ACSF2: variants seen among roughly 807,000 people sequenced by gnomAD.
ACSF2 encodes the protein acyl-CoA synthetase family member 2.
Under a neutral mutation model 79.3 loss-of-function variants are expected in ACSF2, and 52 were observed. The observed-to-expected ratio is 0.66, with a 90% CI of 0.53 to 0.83. The LOEUF (loss-of-function observed/expected upper bound fraction) is 0.83, where lower values mean the gene tolerates loss of function less well. Among genes scored for constraint, ACSF2 ranks in the 40% least tolerant of loss-of-function variants. The pLI, the probability that ACSF2 is intolerant of heterozygous loss-of-function variation, is 0.00. For synonymous variants in ACSF2, 283 were observed against 312.6 expected (o/e 0.91, Z 1.00); for missense variants, 661 against 803.3 (o/e 0.82, Z 2.14).
chr17:50,466,787 G>A (rs1453227644), intron 10 of ACSF2, among the ~76,000 whole-genome samples: 7 of 152,194 alleles, frequency 4.6e-5, no homozygotes, highest in Non-Finnish European at 8.8e-5. Context: ...TTGCCCAGGC[G>A]CCACAATTCC....
chr17:50,432,526 TA>T (rs1285492615), intron 1 of ACSF2, among the ~76,000 whole-genome samples: 6 of 152,176 alleles, frequency 3.9e-5, no homozygotes, highest in African/African-American at 1.4e-4. Context: ...AAGATGGGAA[TA>T]AAGCTGGTCA....
intron 10 of ACSF2, among the ~76,000 whole-genome samples, chr17:50,469,738 C>T (rs1347054642): frequency 6.6e-6 from 1 of 152,180 alleles, no homozygotes; most frequent in African/African-American, 2.4e-5. Flanking sequence ...TGAGGGGTCT[C>T]AGGGTGGCGG....
chr17:50,439,317 T>C (rs9905321), intron 1 of ACSF2, among the ~76,000 whole-genome samples: 36,400 of 149,746 alleles, frequency 0.24, 4,918 homozygotes, highest in Non-Finnish European at 0.31. Context: ...ACAAGCAGTC[T>C]TCCCACTTTG....
At position 50,460,376 on chromosome 17, in the gene ACSF2, T is replaced by C. The variant is rs1253936362; in HGVS notation, c.129-301T>C. The C allele has an allele frequency of 1.0e-5, 5 of 479,162 alleles. No homozygotes were observed. The East Asian group carries it at 2.4e-4, about 23-fold the overall frequency. 29.7% of individuals were successfully genotyped at this position (479,162 alleles called of 1,614,324 possible). On this transcript the variant is annotated intron_variant, in intron 1 of 15. Coordinates refer to ENST00000300441, the MANE Select transcript of ACSF2 (RefSeq NM_025149.6). ...ATGGTCCTGCTTTGTAAGATCTGTC[T>C]GTCTGCACAGGCAGGCTCTCCCAGG... is the stretch of plus-strand genomic sequence containing the variant.
At chr17:50,456,501 G>A (rs2032008463) in intron 1 of ACSF2, among the ~76,000 whole-genome samples, 1 of 152,080 alleles carries the variant, frequency 6.6e-6, no homozygotes, top group South Asian at 2.1e-4. Context: ...GGGAGGCCGA[G>A]GCGGGCGGAT....
intron 1 of ACSF2, among the ~76,000 whole-genome samples, chr17:50,432,554 A>G (rs937361390): frequency 6.6e-6 from 1 of 152,258 alleles, no homozygotes; most frequent in African/African-American, 2.4e-5. Context: ...CAACAGGCCA[A>G]CATGCAGGCT....
rs181370844 is a variant in ACSF2 at position 50,442,435 on chromosome 17, T to G, written c.128+16046T>G. On this transcript the variant is annotated intron_variant, in intron 1 of 15. Coordinates refer to ENST00000300441, the MANE Select transcript of ACSF2 (RefSeq NM_025149.6). ...GCCTTGGCCTCCAAAAGTGCTGGGA[T>G]TACAGCCATGAGCCACTACGCCTGG... is the stretch of plus-strand genomic sequence containing the variant. 2.6e-3 allele frequency among the ~76,000 whole-genome samples: 388 copies of G among 151,690 alleles called. 1 individual carries two copies. Among genetic ancestry groups the G allele is most frequent in the African/African-American group, 8.3e-3 (343 of 41,310 alleles).
At position 50,462,855 on chromosome 17, in the gene ACSF2, C is replaced by T; in HGVS notation, c.792+270C>T. The T allele has an allele frequency of 5.2e-6, 3 of 581,892 alleles. No homozygotes were observed. In the Admixed American group the frequency reaches 9.5e-5, roughly 18 times the overall value. 36.0% of individuals were successfully genotyped at this position (581,892 alleles called of 1,614,324 possible). On this transcript the variant is annotated intron_variant, in intron 6 of 15. Coordinates refer to ENST00000300441, the MANE Select transcript of ACSF2 (RefSeq NM_025149.6). ...CAACACAGGTTGGAACTGCTACAGG[C>T]TGCCCCTCATTTAGCTGATGAGGAA...
intron 1 of ACSF2, among the ~76,000 whole-genome samples, chr17:50,436,631 G>A (rs8079050): frequency 1.0e-4 from 15 of 149,730 alleles, no homozygotes; most frequent in South Asian, 2.1e-4. Context: ...ACAGGGTTTC[G>A]CCATGTTGGT....
intron 1 of ACSF2, 26 bp downstream of exon 1, chr17:50,426,415 G>C (rs1914984938): frequency 1.5e-6 from 2 of 1,299,150 alleles, no homozygotes; most frequent in Non-Finnish European, 2.0e-6. Context: ...GGGAAGAGAG[G>C]GGGCGGGGCA....
rs573283668 is a variant in ACSF2 at position 50,472,042 on chromosome 17, C to T, written c.1324-386C>T. ...TGTCTCTCCTGTTCACATGGTGTTG[C>T]CATGCCACCCTGTTTGGCTTATTTG... On this transcript the variant is annotated intron_variant, in intron 11 of 15. Transcript: ENST00000300441. 32 of 197,194 alleles carry T rather than the reference C, an allele frequency of 1.6e-4. 1 individual carries two copies. The highest frequency in any genetic ancestry group is 1.9e-3 in the Middle Eastern group (1 of 518). The allele number at this position is 197,194 out of a possible 1,614,324, so 12.2% of individuals were successfully genotyped here. A position where few individuals can be genotyped will look rare whatever the true frequency, so the allele number is the denominator to read the frequency against.
In ACSF2 at chr17:50,473,648, C is replaced by A; in HGVS notation, c.1476-17C>A. 6.8e-6 allele frequency: 11 copies of A among 1,614,146 alleles called. No homozygotes were observed. Among genetic ancestry groups the A allele is most frequent in the Non-Finnish European group, 9.3e-6 (11 of 1,180,010 alleles). On this transcript the variant is annotated splice_polypyrimidine_tract_variant and intron_variant, in intron 12 of 15. Transcript: ENST00000300441. Reference sequence around the variant, plus strand: ...ACAAGGCAGAGATGACAGGTTGCCCCTGGGCTTTCCTTACAGAGATGTCGC... The same window carrying A: ...ACAAGGCAGAGATGACAGGTTGCCCATGGGCTTTCCTTACAGAGATGTCGC...
intron 10 of ACSF2, chr17:50,465,564 C>T (rs2032650881): frequency 6.8e-7 from 1 of 1,473,616 alleles, no homozygotes; most frequent in South Asian, 1.3e-5. Flanking sequence ...CTTCATTTTA[C>T]AAATGGGGAA....
In ACSF2 at chr17:50,469,419, G is replaced by T. The variant is rs7215289; in HGVS notation, c.1216-1609G>T. Among the ~76,000 whole-genome samples, 1,029 of 152,244 alleles carry T rather than the reference G, an allele frequency of 6.8e-3. 14 individuals are homozygous for T. The highest frequency in any genetic ancestry group is 0.023 in the African/African-American group (976 of 41,562). On this transcript the variant is annotated intron_variant, in intron 10 of 15. Coordinates refer to ENST00000300441, the MANE Select transcript of ACSF2 (RefSeq NM_025149.6). ...CGAGCGTGAGAGCCGCCCCGGCGTC[G>T]GTCTCCCACTTCAGACTCGACGCGC... is the stretch of plus-strand genomic sequence containing the variant.
intron 1 of ACSF2, among the ~76,000 whole-genome samples, chr17:50,451,189 T>G (rs966465097): frequency 6.6e-6 from 1 of 152,206 alleles, no homozygotes; most frequent in Non-Finnish European, 1.5e-5. Context: ...TCCTCCCACC[T>G]TGGCTCAGAG....
At chr17:50,462,708 A>G (rs1270699156) in intron 6 of ACSF2, 123 bp downstream of exon 6, 10 of 1,169,390 alleles carry the variant, frequency 8.6e-6, no homozygotes, top group Admixed American at 2.4e-5. Flanking sequence ...ACTGGCCTTC[A>G]GCTGTCCTCT....
At chr17:50,460,945 G>A in intron 2 of ACSF2, 73 bp downstream of exon 2, 2 of 1,496,168 alleles carry the variant, frequency 1.3e-6, no homozygotes, top group East Asian at 2.4e-5. Context: ...GCAGAACCAG[G>A]AGCGTGGGCA....
chr17:50,453,761 T>TTGTG (rs147831399), intron 1 of ACSF2, among the ~76,000 whole-genome samples: 2 of 150,408 alleles, frequency 1.3e-5, no homozygotes, highest in African/African-American at 4.9e-5. Context: ...TGTTTTGGGT[T>TTGTG]TGTGTGTGTG....
At chr17:50,472,916 C>T (rs2033186219) in intron 12 of ACSF2, 2 of 189,158 alleles carry the variant, frequency 1.1e-5, no homozygotes, top group East Asian at 2.6e-4. Context: ...GAGAAGGATC[C>T]TGCTTTTTGG....
Sources: gnomAD v4.1 joint callset for allele counts (sites outside exome capture counted in the v4.1 genomes callset) on GRCh38, gnomAD v4.1.1 for gene constraint, MANE v1.5 for transcripts, NCBI Gene and HGNC (gene_info 2026-07-23, HGNC 2026-07-21) for gene names.